CLCNKA: variants seen among roughly 807,000 people sequenced by gnomAD.
CLCNKA encodes chloride voltage-gated channel Ka.
In CLCNKA, 66 loss-of-function variants were observed where a neutral mutation model predicts 83.3. That is an observed-to-expected ratio of 0.79 (90% CI 0.65 to 0.97). The LOEUF (loss-of-function observed/expected upper bound fraction) is 0.97, where lower values mean the gene tolerates loss of function less well. CLCNKA is among the 50% of genes least tolerant of loss of function. The pLI, the probability that CLCNKA is intolerant of heterozygous loss-of-function variation, is 0.00. For missense variants in CLCNKA, 806 were observed against 888.7 expected, an observed-to-expected ratio of 0.91 and a Z score of 1.18; for synonymous variants, 357 against 370.4, an observed-to-expected ratio of 0.96 and a Z score of 0.42.
intron 8 of CLCNKA, among the ~76,000 whole-genome samples, 179 bp downstream of exon 8, chr1:16,027,614 ACCTGTGTTG>A (rs2124037721): frequency 6.6e-6 from 1 of 152,012 alleles, no homozygotes; most frequent in African/African-American, 2.4e-5. Flanking sequence ...TGAGCCCCTG[ACCTGTGTTG>A]AGGGGCAAGG....
chr1:16,030,191 C>G (rs113005498), intron 14 of CLCNKA, 116 bp downstream of exon 14: 3 of 798,106 alleles, frequency 3.8e-6, no homozygotes, highest in Non-Finnish European at 6.2e-6. Flanking sequence ...CAGTGAACCC[C>G]CTACCCCTCA....
intron 3 of CLCNKA, 126 bp downstream of exon 3, chr1:16,024,054 ACTC>A (rs1159125308): frequency 8.6e-7 from 1 of 1,157,788 alleles, no homozygotes; most frequent in East Asian, 2.4e-5. Context: ...CTCTGGCTCT[ACTC>A]CTGATTTGCT....
chr1:16,030,003 G>T lies in CLCNKA; in HGVS notation c.1336G>T (p.Val446Phe), dbSNP rs552991562. Residue 446 changes from valine to phenylalanine, a missense_variant, in exon 14 of 20, where the codon GTC becomes TTC. By Grantham distance (50) the Val-to-Phe change is conservative. Coordinates refer to ENST00000331433, the MANE Select transcript of CLCNKA (RefSeq NM_004070.4). ...GCGCCTCTTGGGAGAGGCTCTTGCCGTCGCCTTCCCTGAGGGCATTGTGAC... is the reference window on the plus strand; with the variant it reads ...GCGCCTCTTGGGAGAGGCTCTTGCCTTCGCCTTCCCTGAGGGCATTGTGAC... ...IGRLLGEALA[V>F]AFPEGIVTGG... is the part of the protein sequence containing the mutation. 3.1e-6 allele frequency: 5 copies of T among 1,611,098 alleles called. No individual in the cohort carries two copies. Among genetic ancestry groups the T allele is most frequent in the Non-Finnish European group, 4.2e-6 (5 of 1,177,772 alleles).
chr1:16,033,178 C>G lies in CLCNKA; in HGVS notation c.1938C>G (p.Asn646Lys). Residue 646 changes from asparagine (N) to lysine (K), a missense_variant, in exon 19 of 20, where the codon AAC becomes AAG. By Grantham distance (94) the Asn-to-Lys change is moderately conservative (BLOSUM62 0). Transcript: ENST00000331433. ...FSETTLHQAQ[N>K]LFKLLNLQSL... ...AACAATCCCCCATCCAGGCACAAAA[C>G]CTCTTTAAGCTGTTGAACCTTCAGT... The G allele has an allele frequency of 1.2e-6, 2 of 1,614,176 alleles. No homozygotes were observed. The highest frequency in any genetic ancestry group is 3.3e-5 in the Admixed American group (2 of 60,026).
chr1:16,022,966 A>C (rs896020243), intron 2 of CLCNKA, among the ~76,000 whole-genome samples: 1 of 152,182 alleles, frequency 6.6e-6, no homozygotes, highest in African/African-American at 2.4e-5. Flanking sequence ...CACTGTGCCT[A>C]TCTTCCACCC....
intron 4 of CLCNKA, 81 bp downstream of exon 4, chr1:16,024,972 A>G (rs1230263181): frequency 6.4e-7 from 1 of 1,572,386 alleles, no homozygotes; most frequent in East Asian, 2.2e-5. Context: ...GGGAATCGGG[A>G]AGCTGCAGCC....
In CLCNKA at chr1:16,026,580, C is replaced by T. The variant is rs762556682; in HGVS notation, c.543C>T (p.Gly181=). ...CTGTAATGATCGCTGCCTACCTGGG[C>T]CGTGTGCGCACCACGACCATCGGGG... ...HLSVMIAAYL[G]RVRTTTIGEP... is the part of the protein sequence containing the mutation. The change falls in exon 6 of 20, where the codon GGC becomes GGT. Residue 181 remains glycine (G), a synonymous_variant. Transcript: ENST00000331433. The T allele has an allele frequency of 3.1e-6, 5 of 1,613,942 alleles. No individual in the cohort carries two copies. The highest frequency in any genetic ancestry group is 1.3e-5 in the African/African-American group (1 of 74,912).
chr1:16,026,774 C>A lies in CLCNKA; in HGVS notation c.654C>A (p.Ser218Arg). Reference protein sequence around the residue: ...GVATVFAAPFSGVLFSIEVMS... With the variant: ...GVATVFAAPFRGVLFSIEVMS... ...CCACAGTCTTTGCAGCTCCCTTCAGCGGTGAGACCCCCCTCATGCCCCGCC... is the reference window on the plus strand; with the variant it reads ...CCACAGTCTTTGCAGCTCCCTTCAGAGGTGAGACCCCCCTCATGCCCCGCC... Residue 218 changes from serine (S) to arginine (R), a missense_variant and splice_region_variant, in exon 7 of 20, where the codon AGC becomes AGA. Ser to Arg is a moderately radical substitution (Grantham distance 110). Coordinates refer to ENST00000331433, the MANE Select transcript of CLCNKA (RefSeq NM_004070.4). 1.9e-6 allele frequency: 3 copies of A among 1,604,592 alleles called. No individual in the cohort carries two copies. The highest frequency in any genetic ancestry group is 2.6e-6 in the Non-Finnish European group (3 of 1,171,488).
chr1:16,022,743 A>G, intron 2 of CLCNKA, 24 bp downstream of exon 2: 1 of 1,465,618 alleles, frequency 6.8e-7, no homozygotes, highest in East Asian at 2.5e-5. Context: ...CCTCTTCCCT[A>G]CCCGCGGGGG....
chr1:16,026,794 C>G lies in CLCNKA; in HGVS notation c.655+19C>G, dbSNP rs754774466. On this transcript the variant is annotated intron_variant, in intron 7 of 19. Transcript: ENST00000331433. ...TTCAGCGGTGAGACCCCCCTCATGC[C>G]CCGCCCCCTGGGTCCCTCAAGCTCC... 8 of 1,604,360 alleles carry G rather than the reference C, an allele frequency of 5.0e-6. No individual in the cohort carries two copies. Among genetic ancestry groups the G allele is most frequent in the Non-Finnish European group, 6.8e-6 (8 of 1,171,294 alleles).
chr1:16,032,180 C>T (rs2022650715), intron 16 of CLCNKA, 23 bp from the exon 17 acceptor site: 1 of 1,602,640 alleles, frequency 6.2e-7, no homozygotes, highest in Non-Finnish European at 8.5e-7. Flanking sequence ...GCACCTCCCT[C>T]CCTCTCCCTC....
intron 19 of CLCNKA, 134 bp from the exon 20 acceptor site, chr1:16,033,477 C>A: frequency 1.1e-6 from 1 of 939,254 alleles, no homozygotes; most frequent in Non-Finnish European, 1.7e-6. Flanking sequence ...CTCAGTGATC[C>A]CATCTGTGCA....
At chr1:16,029,359 G>A (rs773604145) in intron 12 of CLCNKA, 60 bp downstream of exon 12, 15 of 1,609,538 alleles carry the variant, frequency 9.3e-6, no homozygotes, top group South Asian at 6.6e-5. Context: ...GGGGAGGGGC[G>A]GGGGTGCCTC....
Position 16,027,436 on chromosome 1 carries a change from G to T in CLCNKA, c.781+1G>T. The T allele has an allele frequency of 6.2e-7, 1 of 1,613,830 alleles. No homozygotes were observed. Among genetic ancestry groups the T allele is most frequent in the Non-Finnish European group, 8.5e-7 (1 of 1,179,950 alleles). On this transcript the variant is annotated splice_donor_variant, in intron 8 of 19. Coordinates refer to ENST00000331433, the MANE Select transcript of CLCNKA (RefSeq NM_004070.4). LOFTEE classifies it high-confidence loss of function. ...CTGGCAGTCTTCAACAGCGAGCAGG[G>T]TGAGCCCCCTGGGCTGCCTGACCCT...
At chr1:16,027,088 T>C (rs923752063) in intron 7 of CLCNKA, among the ~76,000 whole-genome samples, 1 of 152,144 alleles carries the variant, frequency 6.6e-6, no homozygotes, top group African/African-American at 2.4e-5. Flanking sequence ...TCCCACCCGA[T>C]AGGGAGAGGG....
intron 7 of CLCNKA, 56 bp downstream of exon 7, chr1:16,026,831 C>T (rs1438208903): frequency 3.8e-6 from 6 of 1,599,910 alleles, no homozygotes; most frequent in Non-Finnish European, 5.1e-6. Context: ...CCCCTCACAC[C>T]CTGGGCTCCC....
In CLCNKA at chr1:16,033,134, C is replaced by A. The variant is rs760153509; in HGVS notation, c.1930-36C>A. On this transcript the variant is annotated intron_variant, in intron 18 of 19. Transcript: ENST00000331433. ...GGCCAGAGGGTGGGCTGGGCGCCAT[C>A]TACCCTCCAGTGTTTCCTAACAATC... 1.9e-6 allele frequency: 3 copies of A among 1,607,942 alleles called. No individual in the cohort carries two copies. The Admixed American group carries it at 5.0e-5, about 27-fold the overall frequency.
intron 2 of CLCNKA, 130 bp from the exon 3 acceptor site, chr1:16,023,670 G>A (rs1344335362): frequency 1.0e-5 from 11 of 1,052,406 alleles, no homozygotes; most frequent in Non-Finnish European, 1.4e-6. Context: ...ACTCAGGCGG[G>A]GCCCCCTCAG....
chr1:16,030,534 G>A lies in CLCNKA; in HGVS notation c.1482G>A (p.Gln494=), dbSNP rs779994943. ...TALLAFELTG[Q]IVHALPVLMA... ...TGCTGGCCTTTGAGCTGACCGGCCA[G>A]ATAGTGCATGCACTGCCCGTGCTGA... is the stretch of plus-strand genomic sequence containing the variant. Residue 494 remains glutamine, a synonymous_variant, in exon 15 of 20, where the codon CAG becomes CAA. Transcript: ENST00000331433. The A allele has an allele frequency of 1.2e-6, 2 of 1,613,152 alleles. No individual in the cohort carries two copies. The highest frequency in any genetic ancestry group is 3.3e-5 in the Admixed American group (2 of 60,026).
Sources: allele counts gnomAD v4.1 joint callset (sites outside exome capture counted in the v4.1 genomes callset), GRCh38; gene constraint gnomAD v4.1.1; transcripts MANE v1.5; gene names NCBI Gene and HGNC (gene_info 2026-07-23, HGNC 2026-07-21).